ZDHHC3: variants seen among roughly 807,000 people sequenced by gnomAD.
ZDHHC3 encodes palmitoyltransferase ZDHHC3.
ZDHHC3 carries 9 observed loss-of-function variants against 30.6 expected under a neutral mutation model. The ratio of observed to expected loss-of-function variants is 0.29; its 90% CI spans 0.18 to 0.51. The LOEUF (loss-of-function observed/expected upper bound fraction) is 0.51, where lower values mean the gene tolerates loss of function less well. Ranked by LOEUF, ZDHHC3 falls within the 20% of genes least tolerant of loss-of-function variation. ZDHHC3 has a pLI of 0.97. For missense variants in ZDHHC3, 246 were observed against 384.2 expected (o/e 0.64, Z 3.01); for synonymous variants, 136 against 140.2 (o/e 0.97, Z 0.21).
intron 3 of ZDHHC3, among the ~76,000 whole-genome samples, chr3:44,936,552 A>T (rs896553376): frequency 1.3e-5 from 2 of 152,342 alleles, no homozygotes; most frequent in East Asian, 3.9e-4. Flanking sequence ...AGACACATGC[A>T]TGCAAATGTT....
Position 44,959,133 on chromosome 3 carries a change from G to C in ZDHHC3, c.304C>G (p.Pro102Ala), listed in dbSNP as rs948412831. 6.2e-7 allele frequency: 1 copy of C among 1,614,132 alleles called. No homozygotes were observed. ...ASHCRAMLTD[P>A]GAVPKGNATK... Reference sequence around the variant, plus strand: ...AAAACAAGCCCAGACATACTCACGGGGTCCGTCAGCATGGCCCGGCAGTGG... The same window carrying C: ...AAAACAAGCCCAGACATACTCACGGCGTCCGTCAGCATGGCCCGGCAGTGG... Residue 102 changes from proline (P) to alanine (A), a missense_variant and splice_region_variant, in exon 2 of 7, where the codon CCC becomes GCC. Transcript: ENST00000424952. This position sits in a 1 kb window ranked among gnomAD's most constrained non-coding sequence, Gnocchi z 4.3.
At chr3:44,972,824 C>T (rs1398952656) in intron 1 of ZDHHC3, among the ~76,000 whole-genome samples, 1 of 152,124 alleles carries the variant, frequency 6.6e-6, no homozygotes, top group Non-Finnish European at 1.5e-5. Flanking sequence ...TCTTTATGCC[C>T]ATAAGAACAC....
At chr3:44,945,407 C>A in intron 2 of ZDHHC3, 115 bp from the exon 3 acceptor site, 1 of 1,396,618 alleles carries the variant, frequency 7.2e-7, no homozygotes, top group Non-Finnish European at 9.9e-7. Flanking sequence ...GGACAGGACA[C>A]TTTGATACCA....
At chr3:44,963,041 T>C (rs1704616693) in intron 1 of ZDHHC3, among the ~76,000 whole-genome samples, 1 of 152,212 alleles carries the variant, frequency 6.6e-6, no homozygotes, top group Non-Finnish European at 1.5e-5. Flanking sequence ...ATTAAATGAA[T>C]GCATGAGATT....
rs1414882539 is a variant in ZDHHC3, at chr3:44,918,944, C to T, written c.*7745G>A. On this transcript the variant is annotated 3_prime_UTR_variant, in exon 7 of 7. Transcript: ENST00000424952. Reference sequence around the variant, plus strand: ...GGCCTTTGACCCTCCACTGGGGGCACTGCTTTCTCCATCTCTTCTGGAAGC... The same window carrying T: ...GGCCTTTGACCCTCCACTGGGGGCATTGCTTTCTCCATCTCTTCTGGAAGC... 2.1e-5 allele frequency: 21 copies of T among 985,494 alleles called. No individual in the cohort carries two copies. The highest frequency in any genetic ancestry group is 2.4e-5 in the Non-Finnish European group (20 of 830,084). The allele number at this position is 985,494 out of a possible 1,614,324, so 61.0% of individuals were successfully genotyped here.
rs1700550670 is a variant in ZDHHC3 at position 44,920,990 on chromosome 3, C to A, written c.*5699G>T. On this transcript the variant is annotated 3_prime_UTR_variant, in exon 7 of 7. Coordinates refer to ENST00000424952, the MANE Select transcript of ZDHHC3 (RefSeq NM_001135179.2). ...AGTTTTGTGTGGATTTAAAGGGATC[C>A]TGCAGGCAAAGTTCTTAAGCTTGAG... 1.0e-6 allele frequency: 1 copy of A among 985,280 alleles called. No individual in the cohort carries two copies. 61.0% of individuals were successfully genotyped at this position (985,280 alleles called of 1,614,324 possible). A position where few individuals can be genotyped will look rare whatever the true frequency, so the allele number is the denominator to read the frequency against.
chr3:44,954,845 G>C (rs552319793), intron 2 of ZDHHC3, among the ~76,000 whole-genome samples: 127 of 152,106 alleles, frequency 8.3e-4, no homozygotes, highest in Non-Finnish European at 1.6e-3. Context: ...TCCTGAGGGA[G>C]CTCAGAGAAT....
rs1298422351 is a variant in ZDHHC3 at position 44,922,118 on chromosome 3, G to T, written c.*4571C>A. ...TTGGGAGTACGCTGGTCAGTGGCTT[G>T]TTTCTGCTTCACTGTGAATTCTTTC... is the stretch of plus-strand genomic sequence containing the variant. On this transcript the variant is annotated 3_prime_UTR_variant, in exon 7 of 7. Transcript: ENST00000424952. 1.0e-6 allele frequency: 1 copy of T among 985,276 alleles called. No individual in the cohort carries two copies. The highest frequency in any genetic ancestry group is 1.1e-4 in the East Asian group (1 of 8,832). The allele number at this position is 985,276 out of a possible 1,614,324, so 61.0% of individuals were successfully genotyped here. A position where few individuals can be genotyped will look rare whatever the true frequency, so the allele number is the denominator to read the frequency against.
Position 44,920,347 on chromosome 3 carries a change from AAG to A in ZDHHC3, c.*6340_*6341del. The A allele has an allele frequency of 3.1e-6, 4 of 1,289,706 alleles. No homozygotes were observed. Among genetic ancestry groups the A allele is most frequent in the Non-Finnish European group, 4.0e-6 (4 of 988,768 alleles). The allele number at this position is 1,289,706 out of a possible 1,614,324, so 79.9% of individuals were successfully genotyped here. ...GGTGATCATCTGCAGCCTGTTGAGA[AAG>A]AGGCTTTAACTTCATAGCACGAGAG... On this transcript the variant is annotated 3_prime_UTR_variant, in exon 7 of 7. Coordinates refer to ENST00000424952, the MANE Select transcript of ZDHHC3 (RefSeq NM_001135179.2).
intron 1 of ZDHHC3, among the ~76,000 whole-genome samples, chr3:44,962,693 G>A (rs80298666): frequency 6.6e-6 from 1 of 152,234 alleles, no homozygotes; most frequent in East Asian, 1.9e-4. Flanking sequence ...AATTCACTGG[G>A]TCTCGGCTTC....
chr3:44,932,595 G>T (rs1446650590), intron 5 of ZDHHC3, among the ~76,000 whole-genome samples: 2 of 152,162 alleles, frequency 1.3e-5, no homozygotes, highest in African/African-American at 4.8e-5. Flanking sequence ...AGCCTCTAAA[G>T]CAGGAAGAAT....
At chr3:44,945,442 A>G in intron 2 of ZDHHC3, 150 bp from the exon 3 acceptor site, 2 of 1,154,958 alleles carry the variant, frequency 1.7e-6, no homozygotes, top group Non-Finnish European at 2.4e-6. Context: ...CTGTGTTCAG[A>G]ATTATGCCAA....
chr3:44,940,707 T>C lies in ZDHHC3; in HGVS notation c.431+4461A>G, dbSNP rs181206934. ...CCTTCTCCCCTTCCTCCAGATTTCC[T>C]ACCATTTTTTCAGGCCTCAAACCTT... On this transcript the variant is annotated intron_variant, in intron 3 of 6. Coordinates refer to ENST00000424952, the MANE Select transcript of ZDHHC3 (RefSeq NM_001135179.2). Among the ~76,000 whole-genome samples, 21 of 152,322 alleles carry C rather than the reference T, an allele frequency of 1.4e-4. No individual in the cohort carries two copies. In the East Asian group the frequency reaches 4.1e-3, roughly 29 times the overall value.
At chr3:44,956,329 TC>T (rs1293895828) in intron 2 of ZDHHC3, among the ~76,000 whole-genome samples, 1 of 152,140 alleles carries the variant, frequency 6.6e-6, no homozygotes, top group Non-Finnish European at 1.5e-5. Context: ...CTAGCATCTC[TC>T]CTTGCACATA....
rs1213190336 is a variant in ZDHHC3 at position 44,955,453 on chromosome 3, G to GTT, written c.306+3676_306+3677dup. Reference sequence around the variant, plus strand: ...GTAACTGCTTGAGGGAGACCACAAGGTTTTTATATATATATATATATATGT... The same window carrying GTT: ...GTAACTGCTTGAGGGAGACCACAAGGTTTTTTTATATATATATATATATATGT... On this transcript the variant is annotated intron_variant, in intron 2 of 6. Coordinates refer to ENST00000424952, the MANE Select transcript of ZDHHC3 (RefSeq NM_001135179.2). Among the ~76,000 whole-genome samples the GTT allele has an allele frequency of 2.0e-3, 195 of 96,692 alleles. 2 individuals carry two copies. The East Asian group carries it at 0.058, about 29-fold the overall frequency. 63.4% of individuals were successfully genotyped at this position (96,692 alleles called of 152,430 possible).
intron 3 of ZDHHC3, among the ~76,000 whole-genome samples, chr3:44,944,243 G>A (rs919753009): frequency 1.3e-5 from 2 of 151,832 alleles, no homozygotes; most frequent in African/African-American, 2.4e-5. Context: ...TCTGCCTCCC[G>A]GGTTCAAGCG....
intron 2 of ZDHHC3, among the ~76,000 whole-genome samples, chr3:44,949,621 C>T (rs1703257955): frequency 6.6e-6 from 1 of 152,142 alleles, no homozygotes; most frequent in Admixed American, 6.5e-5. Flanking sequence ...ATCAACTTTC[C>T]TGAGGCTTGT....
rs1700640004 is a variant in ZDHHC3, at chr3:44,922,172, A to C, written c.*4517T>G. The C allele has an allele frequency of 1.2e-5, 12 of 985,368 alleles. No homozygotes were observed. Among genetic ancestry groups the C allele is most frequent in the Non-Finnish European group, 1.4e-5 (12 of 829,948 alleles). 61.0% of individuals were successfully genotyped at this position (985,368 alleles called of 1,614,324 possible). On this transcript the variant is annotated 3_prime_UTR_variant, in exon 7 of 7. Transcript: ENST00000424952. ...TCTATGAGGTGATCCTAAGCCAGATACATATTTAAAGAATACAAGAAAAAG... is the reference window on the plus strand; with the variant it reads ...TCTATGAGGTGATCCTAAGCCAGATCCATATTTAAAGAATACAAGAAAAAG...
chr3:44,945,039 A>G, intron 3 of ZDHHC3, 129 bp downstream of exon 3: 1 of 1,360,840 alleles, frequency 7.3e-7, no homozygotes, highest in Non-Finnish European at 1.0e-6. Context: ...AGCAGGGGAC[A>G]TTTGGAATCC....
Sources: gnomAD v4.1 joint callset for allele counts (sites outside exome capture counted in the v4.1 genomes callset) on GRCh38, gnomAD v4.1.1 for gene constraint, Gnocchi (gnomAD v3.1) non-coding constraint, MANE v1.5 for transcripts, NCBI Gene and HGNC (gene_info 2026-07-23, HGNC 2026-07-21) for gene names.